Variants in WWOX observed in about 807,000 individuals in gnomAD.
The protein encoded by WWOX is WW domain containing oxidoreductase, also known as WW domain-containing oxidoreductase.
A neutral mutation model predicts 46.2 loss-of-function variants in WWOX; 69 were observed. The observed-to-expected ratio is 1.49, with a 90% confidence interval of 1.23 to 1.82. The LOEUF (loss-of-function observed/expected upper bound fraction) is 1.82, where lower values mean the gene tolerates loss of function less well. Among genes scored for constraint, WWOX ranks in the 40% most tolerant of loss-of-function variants. The probability of loss-of-function intolerance (pLI) is 0.00; values close to 1 mark genes in which losing one functional copy is unlikely to be tolerated. For synonymous variants in WWOX, 359 were observed against 202.6 expected (o/e 1.77, Z -6.56); for missense variants, 919 against 542.6 (o/e 1.69, Z -6.89).
intron 5 of WWOX, among the ~76,000 whole-genome samples, chr16:78,281,910 A>G (rs565821313): frequency 3.9e-5 from 6 of 152,212 alleles, no homozygotes; most frequent in African/African-American, 1.4e-4. Flanking sequence ...ATGATCTTTT[A>G]TGGGTTATAT....
chr16:79,007,852 C>T (rs1358058078), intron 8 of WWOX, among the ~76,000 whole-genome samples: 2 of 152,198 alleles, frequency 1.3e-5, no homozygotes, highest in East Asian at 3.9e-4. Context: ...ATTAGTCACT[C>T]ATGGTGTCAC....
intron 8 of WWOX, among the ~76,000 whole-genome samples, chr16:78,979,371 C>T (rs1267033811): frequency 6.6e-6 from 1 of 152,112 alleles, no homozygotes. Context: ...AAAACTGCTT[C>T]TGTTATTAAC....
chr16:78,622,353 G>A (rs543612934), intron 8 of WWOX, among the ~76,000 whole-genome samples: 1 of 151,990 alleles, frequency 6.6e-6, no homozygotes, highest in African/African-American at 2.4e-5. Context: ...GACCAGCCTG[G>A]CCAACATGGT....
At chr16:78,201,923 A>G (rs1258258517) in intron 5 of WWOX, among the ~76,000 whole-genome samples, 2 of 151,826 alleles carry the variant, frequency 1.3e-5, no homozygotes, top group Non-Finnish European at 2.9e-5. Flanking sequence ...CTGGTCACGA[A>G]CTCCTAAACT....
chr16:79,004,131 T>A (rs1392685218), intron 8 of WWOX: 1 of 152,226 alleles, frequency 6.6e-6, no homozygotes, highest in Non-Finnish European at 1.5e-5. Context: ...CTCTTTATCA[T>A]CCGTCTACCC....
intron 5 of WWOX, among the ~76,000 whole-genome samples, chr16:78,323,499 T>A (rs765126041): frequency 3.3e-5 from 5 of 152,174 alleles, no homozygotes; most frequent in Non-Finnish European, 5.9e-5. Flanking sequence ...CTGCTTTTTC[T>A]ACCCTCCTCT....
intron 8 of WWOX, among the ~76,000 whole-genome samples, chr16:78,792,507 A>G (rs888452043): frequency 1.3e-5 from 2 of 152,218 alleles, no homozygotes; most frequent in Non-Finnish European, 1.5e-5. Flanking sequence ...AGGTGCTGCA[A>G]GTCTGCACGG....
intron 8 of WWOX, among the ~76,000 whole-genome samples, chr16:78,827,369 G>A (rs928001022): frequency 3.3e-5 from 5 of 152,038 alleles, no homozygotes; most frequent in African/African-American, 4.8e-5. Context: ...GGTAAGGCTC[G>A]GTGTCATCAA....
chr16:78,816,572 C>T (rs1432696740), intron 8 of WWOX, among the ~76,000 whole-genome samples: 4 of 137,462 alleles, frequency 2.9e-5, no homozygotes, highest in Admixed American at 1.5e-4. Context: ...AAAAGCCTGG[C>T]CGTTTGTCTT....
intron 8 of WWOX, among the ~76,000 whole-genome samples, chr16:78,679,876 G>A (rs925279171): frequency 2.0e-5 from 3 of 152,216 alleles, no homozygotes; most frequent in African/African-American, 7.2e-5. Context: ...ATTTGCTTAG[G>A]TGGGCTCTGA....
intron 8 of WWOX, among the ~76,000 whole-genome samples, chr16:78,630,332 T>C (rs1015780727): frequency 2.6e-5 from 4 of 152,234 alleles, no homozygotes; most frequent in African/African-American, 9.6e-5. Flanking sequence ...AGGAGGGCTG[T>C]CACCATTCCC....
At chr16:78,434,446 T>G (rs946170177) in intron 8 of WWOX, among the ~76,000 whole-genome samples, 1 of 152,200 alleles carries the variant, frequency 6.6e-6, no homozygotes, top group Admixed American at 6.5e-5. Flanking sequence ...TGTCCTTCAG[T>G]TTACATGAAA....
chr16:78,566,140 G>C (rs559694590), intron 8 of WWOX, among the ~76,000 whole-genome samples: 2 of 152,180 alleles, frequency 1.3e-5, no homozygotes, highest in South Asian at 2.1e-4. Context: ...GCAGAGAGAG[G>C]AAGGGGTCTG....
At chr16:78,231,401 A>G (rs1439875534) in intron 5 of WWOX, among the ~76,000 whole-genome samples, 1 of 152,206 alleles carries the variant, frequency 6.6e-6, no homozygotes, top group Non-Finnish European at 1.5e-5. Context: ...ACTAACAATA[A>G]AACACAGGAT....
In WWOX at chr16:78,527,989, TC is replaced by T. The variant is rs1597215575; in HGVS notation, c.1056+95239del. Among the ~76,000 whole-genome samples, 44 of 109,890 alleles carry T rather than the reference TC, an allele frequency of 4.0e-4. 1 individual carries two copies. The East Asian group carries it at 0.011, about 26-fold the overall frequency. The allele number at this position is 109,890 out of a possible 152,430, so 72.1% of individuals were successfully genotyped here. On this transcript the variant is annotated intron_variant, in intron 8 of 8. Coordinates refer to ENST00000566780, the MANE Select transcript of WWOX (RefSeq NM_016373.4). ...GGCTATGTCACAGGACTGGTACATG[TC>T]CTTTTTTTTTTTTTTTTTTTTTTTT...
chr16:78,524,109 C>A (rs1427543044), intron 8 of WWOX, among the ~76,000 whole-genome samples: 4 of 152,150 alleles, frequency 2.6e-5, no homozygotes, highest in African/African-American at 7.2e-5. Context: ...GTGTTTTAGT[C>A]GGCAAACATC....
chr16:78,949,207 A>ACCTTGTGAGTGG (rs1428036126), intron 8 of WWOX, among the ~76,000 whole-genome samples: 2 of 152,116 alleles, frequency 1.3e-5, no homozygotes, highest in Non-Finnish European at 2.9e-5. Flanking sequence ...GCTGGCTGAC[A>ACCTTGTGAGTGG]CCTTGTGAGT....
intron 8 of WWOX, among the ~76,000 whole-genome samples, chr16:78,835,138 A>G (rs569057867): frequency 6.6e-6 from 1 of 152,306 alleles, no homozygotes; most frequent in African/African-American, 2.4e-5. Context: ...GCTTGAATCC[A>G]GTGTATCTTG....
At chr16:79,136,292 G>A (rs1392603893) in intron 8 of WWOX, among the ~76,000 whole-genome samples, 1 of 151,456 alleles carries the variant, frequency 6.6e-6, no homozygotes. Context: ...GTGCAGTGGT[G>A]CAATCTCGGC....
Sources: gnomAD v4.1 joint callset for allele counts (sites outside exome capture counted in the v4.1 genomes callset) on GRCh38, gnomAD v4.1.1 for gene constraint, MANE v1.5 for transcripts, NCBI Gene and HGNC (gene_info 2026-07-23, HGNC 2026-07-21) for gene names.